The following SLC39A11 variants were observed in gnomAD, a reference collection of about 807,000 sequenced individuals.
SLC39A11 encodes the protein solute carrier family 39 member 11.
In SLC39A11, 33 loss-of-function variants were observed where a neutral mutation model predicts 36.1. That is an observed-to-expected ratio of 0.91 (90% CI 0.69 to 1.22). The LOEUF (loss-of-function observed/expected upper bound fraction) is 1.22, where lower values mean the gene tolerates loss of function less well. SLC39A11 is among the 50% of genes most tolerant of loss of function. The pLI is 0.00. For synonymous variants in SLC39A11, 166 were observed against 170.3 expected, an observed-to-expected ratio of 0.97 and a Z score of 0.20; for missense variants, 432 against 430.3, an observed-to-expected ratio of 1.00 and a Z score of -0.03.
chr17:72,798,135 G>A (rs1367324304), intron 6 of SLC39A11, among the ~76,000 whole-genome samples: 1 of 152,098 alleles, frequency 6.6e-6, no homozygotes, highest in Non-Finnish European at 1.5e-5. Flanking sequence ...GGGGAGGAGA[G>A]GAGGCAACTT....
At chr17:72,966,378 C>T (rs750458987) in intron 4 of SLC39A11, among the ~76,000 whole-genome samples, 81 of 152,312 alleles carry the variant, frequency 5.3e-4, no homozygotes, top group Non-Finnish European at 1.0e-3. Context: ...CTACCGCCCC[C>T]CACAGAGGGA....
rs538310231 is a variant in SLC39A11 at position 72,930,583 on chromosome 17, G to A, written c.430+17169C>T. On this transcript the variant is annotated intron_variant, in intron 5 of 9. Coordinates refer to ENST00000255559, the MANE Select transcript of SLC39A11 (RefSeq NM_139177.4). ...TACTCCCTGGCTGAGACACACAGAA[G>A]AAGCGACTACAGTTTGACACTAAGT... Among the ~76,000 whole-genome samples, 46 of 152,326 alleles carry A rather than the reference G, an allele frequency of 3.0e-4. 1 individual carries two copies. The highest frequency in any genetic ancestry group is 1.0e-3 in the African/African-American group (43 of 41,566).
At chr17:72,786,255 G>T (rs976076676) in intron 6 of SLC39A11, among the ~76,000 whole-genome samples, 2 of 152,194 alleles carry the variant, frequency 1.3e-5, no homozygotes, top group Non-Finnish European at 2.9e-5. Context: ...ATTTAAGTGT[G>T]CCAGAATAGT....
intron 6 of SLC39A11, among the ~76,000 whole-genome samples, chr17:72,775,339 G>A (rs948662572): frequency 2.6e-5 from 4 of 152,082 alleles, no homozygotes; most frequent in Non-Finnish European, 4.4e-5. Flanking sequence ...GACCCTCCTC[G>A]AAACACACAC....
intron 7 of SLC39A11, among the ~76,000 whole-genome samples, chr17:72,656,816 AT>A (rs2070145353): frequency 6.6e-6 from 1 of 152,072 alleles, no homozygotes; most frequent in Non-Finnish European, 1.5e-5. Context: ...TTTAAAGTTC[AT>A]TTCCTATTAT....
chr17:72,965,675 G>A (rs559689057), intron 4 of SLC39A11, among the ~76,000 whole-genome samples: 13 of 152,324 alleles, frequency 8.5e-5, no homozygotes, highest in African/African-American at 3.1e-4. Context: ...TTATTGAGAT[G>A]TAATCCCACT....
At chr17:73,068,374 T>C (rs1017439435) in intron 3 of SLC39A11, 3 of 482,704 alleles carry the variant, frequency 6.2e-6, no homozygotes, top group Non-Finnish European at 1.1e-5. Context: ...CTAATCCTCA[T>C]AGATATGGAT....
intron 6 of SLC39A11, among the ~76,000 whole-genome samples, chr17:72,802,181 C>T (rs1034929994): frequency 6.6e-6 from 1 of 152,124 alleles, no homozygotes; most frequent in Non-Finnish European, 1.5e-5. Context: ...CACCCAGACA[C>T]GTTTCTTGGC....
intron 6 of SLC39A11, among the ~76,000 whole-genome samples, chr17:72,754,043 TATACACATACACACACAC>T (rs1291461952): frequency 6.5e-4 from 31 of 47,726 alleles, no homozygotes; most frequent in Admixed American, 1.3e-3. Flanking sequence ...TATATATATA[TATACACATACACACACAC>T]ACACACACAC....
chr17:72,740,056 C>T (rs867588197), intron 6 of SLC39A11, among the ~76,000 whole-genome samples: 192 of 81,482 alleles, frequency 2.4e-3, no homozygotes, highest in African/African-American at 6.7e-3. Flanking sequence ...CTTTCCTTTT[C>T]TTTTTTTTTT....
chr17:72,812,888 T>C (rs2077475160), intron 6 of SLC39A11, among the ~76,000 whole-genome samples: 1 of 152,122 alleles, frequency 6.6e-6, no homozygotes, highest in Admixed American at 6.5e-5. Flanking sequence ...GCATCCCGCT[T>C]TTCTTTGAGA....
chr17:72,678,179 C>T (rs542299090), intron 7 of SLC39A11, among the ~76,000 whole-genome samples: 194 of 152,336 alleles, frequency 1.3e-3, no homozygotes, highest in Non-Finnish European at 1.6e-3. Flanking sequence ...ATGCCCGTTC[C>T]GCTCACAAAA....
intron 4 of SLC39A11, among the ~76,000 whole-genome samples, chr17:72,999,199 A>G (rs1426507130): frequency 6.6e-6 from 1 of 152,226 alleles, no homozygotes; most frequent in Non-Finnish European, 1.5e-5. Context: ...CTAGCGCAAC[A>G]CTAATATCTC....
intron 6 of SLC39A11, among the ~76,000 whole-genome samples, chr17:72,806,764 G>A (rs2077270417): frequency 6.6e-6 from 1 of 152,096 alleles, no homozygotes; most frequent in Non-Finnish European, 1.5e-5. Context: ...TGTATTTTTA[G>A]TAGAGACGGG....
intron 4 of SLC39A11, among the ~76,000 whole-genome samples, chr17:72,974,177 G>T (rs566215694): frequency 6.6e-6 from 1 of 152,040 alleles, no homozygotes; most frequent in Non-Finnish European, 1.5e-5. Flanking sequence ...CTGGCTCACC[G>T]CAACCTCTAC....
intron 7 of SLC39A11, among the ~76,000 whole-genome samples, chr17:72,655,518 G>A (rs973107936): frequency 3.3e-5 from 5 of 152,220 alleles, no homozygotes; most frequent in African/African-American, 9.6e-5. Flanking sequence ...AAGAGTGTGC[G>A]AGGGCGTTGA....
intron 6 of SLC39A11, among the ~76,000 whole-genome samples, chr17:72,764,933 C>T (rs2075712684): frequency 1.3e-5 from 2 of 152,188 alleles, no homozygotes; most frequent in Non-Finnish European, 2.9e-5. Flanking sequence ...AGTGATCTCA[C>T]CAACCTCCAT....
intron 4 of SLC39A11, among the ~76,000 whole-genome samples, chr17:73,030,481 G>A (rs747980125): frequency 6.6e-6 from 1 of 152,200 alleles, no homozygotes; most frequent in Non-Finnish European, 1.5e-5. Flanking sequence ...CAGGAAGGCA[G>A]GGAAGAGAAC....
chr17:72,999,787 C>A (rs1400254875), intron 4 of SLC39A11, among the ~76,000 whole-genome samples: 1 of 152,224 alleles, frequency 6.6e-6, no homozygotes, highest in Non-Finnish European at 1.5e-5. Flanking sequence ...GTTGCCCAGG[C>A]TGGAGTGCAG....
Sources: gnomAD v4.1 joint callset for allele counts (sites outside exome capture counted in the v4.1 genomes callset) on GRCh38, gnomAD v4.1.1 for gene constraint, MANE v1.5 for transcripts, NCBI Gene and HGNC (gene_info 2026-07-23, HGNC 2026-07-21) for gene names.